The following DIP2B variants were observed in gnomAD, a reference collection of about 807,000 sequenced individuals.
DIP2B encodes the protein DIP2 acetate--CoA ligase B (putative).
In DIP2B, 76 loss-of-function variants were observed where a neutral mutation model predicts 198.0. The ratio of observed to expected loss-of-function variants is 0.38; its 90% confidence interval spans 0.32 to 0.46. The LOEUF is 0.46. DIP2B is among the 20% of genes least tolerant of loss of function. The pLI, the probability that DIP2B is intolerant of heterozygous loss-of-function variation, is 0.99. For synonymous variants in DIP2B, 701 were observed against 739.1 expected, an observed-to-expected ratio of 0.95 and a Z score of 0.84; for missense variants, 1,559 against 1,978.4, an observed-to-expected ratio of 0.79 and a Z score of 4.02.
In DIP2B at chr12:50,626,043, A is replaced by G; in HGVS notation, c.168A>G (p.Thr56=). Residue 56 remains threonine (T), a synonymous_variant, in exon 2 of 38, where the codon ACA becomes ACG. Coordinates refer to ENST00000301180, the MANE Select transcript of DIP2B (RefSeq NM_173602.3). Reference sequence around the variant, plus strand: ...TCCTATCTCCTTACAGCCCGCAGACACAAGGTAGGCAATAAAAAATGGTTT... The same window carrying G: ...TCCTATCTCCTTACAGCCCGCAGACGCAAGGTAGGCAATAAAAAATGGTTT... ...SKLLSPYSPQ[T]QETDSAVQKE... is the part of the protein sequence containing the mutation. The G allele has an allele frequency of 1.2e-6, 2 of 1,614,046 alleles. No homozygotes were observed. The highest frequency in any genetic ancestry group is 1.7e-6 in the Non-Finnish European group (2 of 1,179,946).
chr12:50,678,727 C>A lies in DIP2B; in HGVS notation c.965C>A (p.Thr322Asn), dbSNP rs1938989340. 6.2e-7 allele frequency: 1 copy of A among 1,614,092 alleles called. No individual in the cohort carries two copies. Among genetic ancestry groups the A allele is most frequent in the Non-Finnish European group, 8.5e-7 (1 of 1,180,040 alleles). ...NQPKPEGRQM[T>N]PVKGEPLGVI... ...CCCAAGCCGGAGGGACGGCAGATGA[C>A]CCCTGTGAAAGGAGAGCCTTTAGGA... Residue 322 changes from threonine (T) to asparagine (N), a missense_variant, in exon 8 of 38, where the codon ACC becomes AAC. Thr to Asn is a moderately conservative substitution (Grantham distance 65). Transcript: ENST00000301180.
chr12:50,505,263 G>C (rs1957956073), intron 1 of DIP2B, 23 bp downstream of exon 1: 3 of 1,465,092 alleles, frequency 2.0e-6, no homozygotes, highest in Non-Finnish European at 1.8e-6. Context: ...CCGGGGAGAG[G>C]GCGCCCGGGG....
intron 1 of DIP2B, among the ~76,000 whole-genome samples, chr12:50,554,189 T>G (rs1958449765): frequency 6.6e-6 from 1 of 152,146 alleles, no homozygotes; most frequent in African/African-American, 2.4e-5. Context: ...CATGCATACA[T>G]TTCTTCTTAA....
rs1555182861 is a variant in DIP2B, at chr12:50,541,422, T to TA, written c.100+36185dup. Among the ~76,000 whole-genome samples, 6 of 150,654 alleles carry TA rather than the reference T, an allele frequency of 4.0e-5. No individual in the cohort carries two copies. The East Asian group carries it at 1.2e-3, about 29-fold the overall frequency. Reference sequence around the variant, plus strand: ...AACATTCTTTTTTTTTTTTTTTTTTTAAATCCATAGTCACCATCAACTTCT... The same window carrying TA: ...AACATTCTTTTTTTTTTTTTTTTTTTAAAATCCATAGTCACCATCAACTTCT... On this transcript the variant is annotated intron_variant, in intron 1 of 37. Transcript: ENST00000301180.
chr12:50,655,092 T>A, intron 3 of DIP2B: 1 of 421,950 alleles, frequency 2.4e-6, no homozygotes, highest in Admixed American at 2.8e-5. Context: ...TTTGTTGCAT[T>A]ATTTTTAACT....
intron 1 of DIP2B, among the ~76,000 whole-genome samples, chr12:50,596,958 A>C (rs1239311133): frequency 6.6e-6 from 1 of 152,230 alleles, no homozygotes; most frequent in African/African-American, 2.4e-5. Flanking sequence ...TTATATGAGT[A>C]AATATTTCCA....
intron 23 of DIP2B, among the ~76,000 whole-genome samples, chr12:50,715,418 C>T (rs981637081): frequency 4.6e-5 from 7 of 152,114 alleles, no homozygotes; most frequent in Non-Finnish European, 1.0e-4. Context: ...GCTACCTGGG[C>T]CGTATTTTTT....
intron 1 of DIP2B, among the ~76,000 whole-genome samples, chr12:50,513,147 A>C (rs1424562839): frequency 6.6e-6 from 1 of 152,230 alleles, no homozygotes; most frequent in Non-Finnish European, 1.5e-5. Flanking sequence ...TAGTGAATGG[A>C]TGCGTGGAGA....
chr12:50,579,073 A>G (rs111830055), intron 1 of DIP2B, among the ~76,000 whole-genome samples: 3 of 152,278 alleles, frequency 2.0e-5, no homozygotes, highest in African/African-American at 4.8e-5. Flanking sequence ...TTTTTGTACA[A>G]TTCTGTGTTG....
At chr12:50,535,433 C>T (rs1307846239) in intron 1 of DIP2B, among the ~76,000 whole-genome samples, 1 of 149,710 alleles carries the variant, frequency 6.7e-6, no homozygotes, top group Non-Finnish European at 1.5e-5. Flanking sequence ...GTGGCACAAT[C>T]GAGGCTTACC....
At chr12:50,604,203 CTCTT>C (rs1310108200) in intron 1 of DIP2B, among the ~76,000 whole-genome samples, 6 of 137,356 alleles carry the variant, frequency 4.4e-5, no homozygotes, top group African/African-American at 1.6e-4. Context: ...AAATAGCAAA[CTCTT>C]TAATGTTCTT....
intron 1 of DIP2B, among the ~76,000 whole-genome samples, chr12:50,587,937 G>C (rs1298976922): frequency 1.3e-5 from 2 of 151,904 alleles, no homozygotes; most frequent in African/African-American, 4.8e-5. Context: ...GTATAGCAAG[G>C]AAATTTCAAA....
chr12:50,660,483 A>G (rs1392741677), intron 4 of DIP2B, among the ~76,000 whole-genome samples, 164 bp downstream of exon 4: 22 of 152,246 alleles, frequency 1.4e-4, no homozygotes. Context: ...CATCTCGTAA[A>G]CAACACACAA....
chr12:50,694,485 A>T (rs567843525), intron 14 of DIP2B, among the ~76,000 whole-genome samples: 1 of 151,356 alleles, frequency 6.6e-6, no homozygotes, highest in South Asian at 2.1e-4. Flanking sequence ...ACAGAGCAGG[A>T]CTCTGTCTCA....
At chr12:50,525,998 A>C (rs1003689135) in intron 1 of DIP2B, among the ~76,000 whole-genome samples, 1 of 152,172 alleles carries the variant, frequency 6.6e-6, no homozygotes, top group Non-Finnish European at 1.5e-5. Flanking sequence ...ATTAATACCA[A>C]CATTTGAAAT....
chr12:50,509,006 A>C (rs940564713), intron 1 of DIP2B, among the ~76,000 whole-genome samples: 5 of 152,166 alleles, frequency 3.3e-5, no homozygotes, highest in Non-Finnish European at 7.4e-5. Flanking sequence ...GGCCCTAAAC[A>C]GTTCTATACC....
At chr12:50,652,171 G>A (rs1335273986) in intron 3 of DIP2B, among the ~76,000 whole-genome samples, 1 of 151,928 alleles carries the variant, frequency 6.6e-6, no homozygotes, top group African/African-American at 2.4e-5. Context: ...AAATTAGCCA[G>A]GCGTTGTAGC....
intron 12 of DIP2B, among the ~76,000 whole-genome samples, chr12:50,690,025 T>A (rs1939195051): frequency 6.6e-6 from 1 of 152,144 alleles, no homozygotes; most frequent in Non-Finnish European, 1.5e-5. Flanking sequence ...CACAGTCAGG[T>A]ACAGATCAAA....
chr12:50,648,765 A>G (rs543294737), intron 3 of DIP2B, among the ~76,000 whole-genome samples: 7 of 150,312 alleles, frequency 4.7e-5, no homozygotes, highest in African/African-American at 7.4e-5. Flanking sequence ...AAATTGTACC[A>G]TAGGTATTTG....
Sources: gnomAD v4.1 joint callset for allele counts (sites outside exome capture counted in the v4.1 genomes callset) on GRCh38, gnomAD v4.1.1 for gene constraint, MANE v1.5 for transcripts, NCBI Gene and HGNC (gene_info 2026-07-23, HGNC 2026-07-21) for gene names.